QTMAN: variants seen among roughly 807,000 people sequenced by gnomAD.
QTMAN encodes tRNA-queuosine alpha-mannosyltransferase.
the QTMAN span, among the ~76,000 whole-genome samples, chr2:144,224,309 G>C: frequency 2.6e-5 from 4 of 152,126 alleles, no homozygotes; most frequent in African/African-American, 7.2e-5. Flanking sequence ...ACCTGTACGT[G>C]AATGTTTTGT....
chr2:143,951,446 CATTCTT>C, the QTMAN span, among the ~76,000 whole-genome samples: 5 of 151,520 alleles, frequency 3.3e-5, no homozygotes, highest in Non-Finnish European at 4.4e-5. Context: ...ATGAGACTGA[CATTCTT>C]ATTCTAAAGA....
the QTMAN span, among the ~76,000 whole-genome samples, chr2:144,265,802 C>T: frequency 2.0e-5 from 3 of 152,204 alleles, no homozygotes; most frequent in Admixed American, 6.5e-5. Context: ...TCCATTCTTA[C>T]TCACATCTTC....
At chr2:143,989,790 C>T in the QTMAN span, among the ~76,000 whole-genome samples, 1 of 152,114 alleles carries the variant, frequency 6.6e-6, no homozygotes, top group African/African-American at 2.4e-5. Flanking sequence ...AAGTGATGGT[C>T]ATGTTTCATA....
the QTMAN span, among the ~76,000 whole-genome samples, chr2:143,996,091 T>C: frequency 6.6e-6 from 1 of 152,170 alleles, no homozygotes; most frequent in African/African-American, 2.4e-5. Flanking sequence ...GTAGGTTCAC[T>C]ACATTAAATG....
At chr2:143,999,467 A>G in the QTMAN span, among the ~76,000 whole-genome samples, 1 of 152,054 alleles carries the variant, frequency 6.6e-6, no homozygotes, top group East Asian at 1.9e-4. Context: ...AAGAGAAGTT[A>G]GGTCTACTAG....
At chr2:144,048,096 G>A in the QTMAN span, among the ~76,000 whole-genome samples, 1 of 152,220 alleles carries the variant, frequency 6.6e-6, no homozygotes, top group Non-Finnish European at 1.5e-5. Flanking sequence ...TAAGTGTCCA[G>A]TGGATTGCCT....
the QTMAN span, among the ~76,000 whole-genome samples, chr2:144,269,363 GGAGA>G: frequency 6.6e-6 from 1 of 152,234 alleles, no homozygotes; most frequent in South Asian, 2.1e-4. Flanking sequence ...AAAGAAAAGA[GGAGA>G]GAAAGAGATT....
the QTMAN span, among the ~76,000 whole-genome samples, chr2:144,243,741 ACTGTATTTTACTAAAGTT>A: frequency 6.6e-6 from 1 of 152,214 alleles, no homozygotes; most frequent in Non-Finnish European, 1.5e-5. Context: ...CATATATACT[ACTGTATTTTACTAAAGTT>A]CAATCGCCTA....
At chr2:143,999,411 G>A in the QTMAN span, among the ~76,000 whole-genome samples, 1 of 150,710 alleles carries the variant, frequency 6.6e-6, no homozygotes, top group African/African-American at 2.5e-5. Flanking sequence ...AGAAACAGGA[G>A]GAATATTAGC....
the QTMAN span, among the ~76,000 whole-genome samples, chr2:144,098,111 T>G: frequency 6.6e-6 from 1 of 152,200 alleles, no homozygotes. Context: ...TTCTCCACAC[T>G]GAATTGACAA....
the QTMAN span, among the ~76,000 whole-genome samples, chr2:144,112,683 T>C: frequency 2.5e-3 from 375 of 152,316 alleles, no homozygotes; most frequent in Admixed American, 3.8e-3. Context: ...TGCCGTGCTG[T>C]ATCAAGGTAT....
the QTMAN span, among the ~76,000 whole-genome samples, chr2:144,219,465 T>C: frequency 2.0e-5 from 3 of 152,068 alleles, no homozygotes; most frequent in Non-Finnish European, 4.4e-5. Context: ...TGTTAGGAAG[T>C]GTGAGGTGAA....
chr2:143,960,810 GA>G, the QTMAN span, among the ~76,000 whole-genome samples: 317 of 146,390 alleles, frequency 2.2e-3, no homozygotes, highest in East Asian at 0.025. Flanking sequence ...TGATAAAAGT[GA>G]AAAAAAAAAT....
chr2:144,298,420 T>C, the QTMAN span, among the ~76,000 whole-genome samples: 4 of 152,222 alleles, frequency 2.6e-5, no homozygotes, highest in Admixed American at 1.3e-4. Context: ...AAATACAATA[T>C]ATACCGTGGC....
chr2:144,051,923 ACTCT>A, the QTMAN span, among the ~76,000 whole-genome samples: 1 of 152,192 alleles, frequency 6.6e-6, no homozygotes, highest in Non-Finnish European at 1.5e-5. Flanking sequence ...GTTCAACTTT[ACTCT>A]CTCTTACATT....
At chr2:144,184,956 T>G in the QTMAN span, among the ~76,000 whole-genome samples, 1 of 152,124 alleles carries the variant, frequency 6.6e-6, no homozygotes, top group South Asian at 2.1e-4. Flanking sequence ...GACTTACCAC[T>G]CTGAAACTTA....
chr2:143,955,960 G>A, the QTMAN span, among the ~76,000 whole-genome samples: 46 of 152,198 alleles, frequency 3.0e-4, no homozygotes, highest in Non-Finnish European at 6.5e-4. Flanking sequence ...GAAGCCGAGT[G>A]GTAGTGGTCC....
the QTMAN span, among the ~76,000 whole-genome samples, chr2:144,165,221 T>C: frequency 1.3e-5 from 2 of 151,878 alleles, no homozygotes; most frequent in African/African-American, 4.8e-5. Flanking sequence ...AATACAAACA[T>C]TAGCCAGGCA....
chr2:144,026,877 G>T, the QTMAN span, among the ~76,000 whole-genome samples: 1 of 152,140 alleles, frequency 6.6e-6, no homozygotes, highest in Non-Finnish European at 1.5e-5. Context: ...AGTAAAAATT[G>T]ATTTGTAAGC....
Sources: allele counts gnomAD v4.1 joint callset (sites outside exome capture counted in the v4.1 genomes callset), GRCh38; gene constraint gnomAD v4.1.1; transcripts MANE v1.5; gene names NCBI Gene and HGNC (gene_info 2026-07-23, HGNC 2026-07-21).